PPP3CA: variants seen among roughly 807,000 people sequenced by gnomAD.
The protein encoded by PPP3CA is CAM-PRP catalytic subunit.
In PPP3CA, 14 loss-of-function variants were observed where a neutral mutation model predicts 66.5. The ratio of observed to expected loss-of-function variants is 0.21; its 90% confidence interval spans 0.14 to 0.33. The LOEUF (loss-of-function observed/expected upper bound fraction) is 0.33. Ranked by LOEUF, PPP3CA falls within the 10% of genes least tolerant of loss-of-function variation. PPP3CA has a pLI of 1.00. For synonymous variants in PPP3CA, 232 were observed against 226.2 expected (o/e 1.03, Z -0.23); for missense variants, 317 against 639.5 (o/e 0.50, Z 5.44).
At chr4:101,280,289 T>C (rs1033080684) in intron 1 of PPP3CA, among the ~76,000 whole-genome samples, 3 of 152,160 alleles carry the variant, frequency 2.0e-5, no homozygotes, top group Non-Finnish European at 2.9e-5. Flanking sequence ...CATGTGGGTA[T>C]CTGGGAGAAA....
At chr4:101,248,597 G>A (rs1410651144) in intron 1 of PPP3CA, among the ~76,000 whole-genome samples, 2 of 152,032 alleles carry the variant, frequency 1.3e-5, no homozygotes, top group African/African-American at 4.8e-5. Context: ...ATACTAACTG[G>A]TGGAAATATA....
intron 1 of PPP3CA, among the ~76,000 whole-genome samples, chr4:101,261,193 TAACTAAATCATTTGACC>T (rs1726998947): frequency 6.6e-6 from 1 of 152,138 alleles, no homozygotes; most frequent in Non-Finnish European, 1.5e-5. Flanking sequence ...GAGGTCTGGC[TAACTAAATCATTTGACC>T]AAGATTAAAA....
chr4:101,303,058 C>T (rs1274381715), intron 1 of PPP3CA, among the ~76,000 whole-genome samples: 1 of 152,122 alleles, frequency 6.6e-6, no homozygotes, highest in Non-Finnish European at 1.5e-5. Flanking sequence ...AATTTTTCAT[C>T]ATCAAAAAGA....
At chr4:101,159,239 A>T (rs1723422553) in intron 2 of PPP3CA, among the ~76,000 whole-genome samples, 1 of 152,160 alleles carries the variant, frequency 6.6e-6, no homozygotes, top group Non-Finnish European at 1.5e-5. Flanking sequence ...ACTGGAAAAG[A>T]AGTAGATTCT....
intron 1 of PPP3CA, 40 bp downstream of exon 1, chr4:101,346,699 G>C (rs1441351693): frequency 6.3e-7 from 1 of 1,579,004 alleles, no homozygotes; most frequent in Non-Finnish European, 8.6e-7. Context: ...TGGCGCCTGC[G>C]GCACACGGTG....
At chr4:101,253,488 T>G (rs1726742419) in intron 1 of PPP3CA, among the ~76,000 whole-genome samples, 1 of 152,120 alleles carries the variant, frequency 6.6e-6, no homozygotes. Flanking sequence ...AGGGTTACAT[T>G]CTATTTGTGA....
intron 1 of PPP3CA, among the ~76,000 whole-genome samples, chr4:101,234,243 T>A (rs1249722305): frequency 6.6e-6 from 1 of 151,886 alleles, no homozygotes; most frequent in Non-Finnish European, 1.5e-5. Flanking sequence ...TAATATCTAT[T>A]CCTTTGGGTA....
intron 2 of PPP3CA, among the ~76,000 whole-genome samples, chr4:101,124,723 AAGAGAAAGAAAGAAAGAAAGAAAGAAAG>A (rs1722166134): frequency 2.1e-5 from 1 of 48,178 alleles, no homozygotes; most frequent in African/African-American, 6.9e-5. Flanking sequence ...GAAAGAAAGA[AAGAGAAAGAAAGAAAGAAAGAAAGAAAG>A]AAAGAAAGAA....
chr4:101,066,025 A>C (rs1299748701), intron 8 of PPP3CA, among the ~76,000 whole-genome samples: 2 of 152,122 alleles, frequency 1.3e-5, no homozygotes, highest in African/African-American at 4.8e-5. Flanking sequence ...CATAATTACA[A>C]ATCTTCACAA....
At chr4:101,337,192 T>C (rs1729659640) in intron 1 of PPP3CA, among the ~76,000 whole-genome samples, 1 of 152,218 alleles carries the variant, frequency 6.6e-6, no homozygotes. Flanking sequence ...CCTAACTGGT[T>C]AAATTTTTTT....
chr4:101,285,606 T>C (rs978590472), intron 1 of PPP3CA, among the ~76,000 whole-genome samples: 20 of 94,396 alleles, frequency 2.1e-4, no homozygotes, highest in African/African-American at 1.2e-3. Flanking sequence ...TGTATGTGTG[T>C]GTGTGTGTGT....
intron 1 of PPP3CA, among the ~76,000 whole-genome samples, chr4:101,272,544 TTAG>T (rs1560691674): frequency 6.6e-6 from 1 of 152,200 alleles, no homozygotes; most frequent in Non-Finnish European, 1.5e-5. Flanking sequence ...ATGCTTCTCT[TTAG>T]TACTGATCCT....
chr4:101,151,292 C>T (rs1381359830), intron 2 of PPP3CA, among the ~76,000 whole-genome samples: 5 of 151,994 alleles, frequency 3.3e-5, no homozygotes, highest in East Asian at 1.9e-4. Context: ...AGGCCGGGCA[C>T]GGTGGCTCAT....
chr4:101,340,246 T>C (rs1219218504), intron 1 of PPP3CA, among the ~76,000 whole-genome samples: 1 of 152,140 alleles, frequency 6.6e-6, no homozygotes, highest in Non-Finnish European at 1.5e-5. Flanking sequence ...AGGTAGACCA[T>C]TTTTTAAAAT....
intron 1 of PPP3CA, among the ~76,000 whole-genome samples, chr4:101,299,118 T>TG (rs893541083): frequency 6.9e-5 from 10 of 144,962 alleles, no homozygotes; most frequent in Non-Finnish European, 1.1e-4. Context: ...TTTTTTTTTT[T>TG]TTTTTTTTTT....
intron 3 of PPP3CA, among the ~76,000 whole-genome samples, chr4:101,101,355 G>C (rs971198413): frequency 6.6e-6 from 1 of 152,110 alleles, no homozygotes; most frequent in Non-Finnish European, 1.5e-5. Flanking sequence ...ACTCAAGCTT[G>C]TCTCACATTT....
chr4:101,029,757 G>C (rs1291908366), intron 12 of PPP3CA, among the ~76,000 whole-genome samples: 1 of 150,784 alleles, frequency 6.6e-6, no homozygotes, highest in Non-Finnish European at 1.5e-5. Flanking sequence ...GGGTGTCTAA[G>C]GAGATAATGG....
In PPP3CA at chr4:101,317,658, T is replaced by C. The variant is rs1420970843; in HGVS notation, c.58+29081A>G. Among the ~76,000 whole-genome samples, 3 of 152,364 alleles carry C rather than the reference T, an allele frequency of 2.0e-5. No homozygotes were observed. In the East Asian group the frequency reaches 5.8e-4, roughly 29 times the overall value. On this transcript the variant is annotated intron_variant, in intron 1 of 13. Transcript: ENST00000394854. ...ACTCGGCTACTGACAATACTATTTT[T>C]CCACTTTTTTCAAAATCAGAGAACA...
intron 1 of PPP3CA, among the ~76,000 whole-genome samples, chr4:101,345,960 T>A (rs1458608361): frequency 6.6e-6 from 1 of 152,120 alleles, no homozygotes; most frequent in Non-Finnish European, 1.5e-5. Flanking sequence ...CAGCCGGGGA[T>A]GGCAAGAGAG....
Sources: allele counts gnomAD v4.1 joint callset (sites outside exome capture counted in the v4.1 genomes callset), GRCh38; gene constraint gnomAD v4.1.1; transcripts MANE v1.5; gene names NCBI Gene and HGNC (gene_info 2026-07-23, HGNC 2026-07-21).